NRIP1: variants seen among roughly 807,000 people sequenced by gnomAD.
The protein encoded by NRIP1 is nuclear receptor-interacting protein 1.
A neutral mutation model predicts 75.0 loss-of-function variants in NRIP1; 28 were observed. The observed-to-expected ratio is 0.37, with a 90% CI of 0.28 to 0.51. The LOEUF (loss-of-function observed/expected upper bound fraction) is 0.51, where lower values mean the gene tolerates loss of function less well. Ranked by LOEUF, NRIP1 falls within the 20% of genes least tolerant of loss-of-function variation. NRIP1 has a pLI of 0.92. For missense variants in NRIP1, 1,435 were observed against 1,343.7 expected (o/e 1.07, Z -1.06); for synonymous variants, 526 against 487.6 (o/e 1.08, Z -1.04).
intron 2 of NRIP1, among the ~76,000 whole-genome samples, chr21:15,027,013 C>T (rs996863292): frequency 6.6e-6 from 1 of 152,060 alleles, no homozygotes; most frequent in Non-Finnish European, 1.5e-5. Flanking sequence ...TGAATATATA[C>T]ACTTGTACCC....
At chr21:15,037,132 T>A (rs1035456116) in intron 2 of NRIP1, among the ~76,000 whole-genome samples, 5 of 152,202 alleles carry the variant, frequency 3.3e-5, no homozygotes, top group Non-Finnish European at 5.9e-5. Flanking sequence ...GCATTCTACA[T>A]ATCACAGTAA....
intron 1 of NRIP1, among the ~76,000 whole-genome samples, chr21:15,061,155 T>C (rs1401384879): frequency 6.6e-6 from 1 of 152,224 alleles, no homozygotes; most frequent in African/African-American, 2.4e-5. Context: ...AAATTTTCTT[T>C]GACTTTTCAA....
At chr21:15,015,058 T>A (rs929816250) in intron 2 of NRIP1, among the ~76,000 whole-genome samples, 1 of 152,202 alleles carries the variant, frequency 6.6e-6, no homozygotes, top group Admixed American at 6.5e-5. Context: ...GGTATATCCA[T>A]ACAATATAAT....
chr21:14,983,038 A>T (rs2087289465), intron 3 of NRIP1, among the ~76,000 whole-genome samples: 1 of 151,980 alleles, frequency 6.6e-6, no homozygotes, highest in African/African-American at 2.4e-5. Flanking sequence ...TGCCTGAGAC[A>T]CAACAATATT....
chr21:15,061,032 C>A (rs140607168), intron 1 of NRIP1, among the ~76,000 whole-genome samples: 88 of 152,198 alleles, frequency 5.8e-4, no homozygotes, highest in African/African-American at 2.0e-3. Context: ...CCTGCTCATT[C>A]CCCCTCCCCC....
chr21:14,988,369 T>C (rs1028458334), intron 3 of NRIP1, among the ~76,000 whole-genome samples: 5 of 152,096 alleles, frequency 3.3e-5, no homozygotes, highest in East Asian at 1.9e-4. Context: ...TTTTTTTGAC[T>C]TACTAGTCAC....
intron 2 of NRIP1, among the ~76,000 whole-genome samples, chr21:15,039,161 CT>C (rs2088896848): frequency 6.6e-6 from 1 of 151,972 alleles, no homozygotes; most frequent in African/African-American, 2.4e-5. Context: ...GAGGTGAAGG[CT>C]TTTAAGCAGA....
chr21:15,014,272 G>T (rs2088175048), intron 3 of NRIP1, 72 bp downstream of exon 3: 1 of 393,594 alleles, frequency 2.5e-6, no homozygotes, highest in South Asian at 1.4e-4. Context: ...TTATAACTGA[G>T]AAAGAATTGT....
At chr21:14,976,011 C>A (rs796088487) in intron 3 of NRIP1, among the ~76,000 whole-genome samples, 20 of 152,194 alleles carry the variant, frequency 1.3e-4, no homozygotes, top group African/African-American at 4.3e-4. Context: ...ATCCTTCCTA[C>A]CACTTACAAA....
chr21:15,049,591 T>G (rs190658728), intron 1 of NRIP1, among the ~76,000 whole-genome samples: 1 of 152,100 alleles, frequency 6.6e-6, no homozygotes, highest in Admixed American at 6.5e-5. Context: ...TTTATAATAT[T>G]AGTACATATG....
In NRIP1 at chr21:14,962,834, A is replaced by T. The variant is rs894731227; in HGVS notation, c.*1882T>A. On this transcript the variant is annotated 3_prime_UTR_variant, in exon 4 of 4. Transcript: ENST00000318948. ...GTTTTAGATCATATTAGGAAATCACACCTATTTTTAATATAAAAATCTTAG... is the reference window on the plus strand; with the variant it reads ...GTTTTAGATCATATTAGGAAATCACTCCTATTTTTAATATAAAAATCTTAG... The T allele has an allele frequency of 3.3e-5, 5 of 152,460 alleles. No individual in the cohort carries two copies. The highest frequency in any genetic ancestry group is 1.2e-4 in the African/African-American group (5 of 41,426). 9.4% of individuals were successfully genotyped at this position (152,460 alleles called of 1,614,324 possible). A position where few individuals can be genotyped will look rare whatever the true frequency, so the allele number is the denominator to read the frequency against.
chr21:14,999,628 A>AT (rs1393430164), intron 3 of NRIP1, among the ~76,000 whole-genome samples: 1 of 152,188 alleles, frequency 6.6e-6, no homozygotes, highest in Non-Finnish European at 1.5e-5. Flanking sequence ...AACAGTGGCT[A>AT]AGTAGGAACT....
At chr21:15,049,048 C>G (rs1217803363) in intron 1 of NRIP1, among the ~76,000 whole-genome samples, 1 of 152,074 alleles carries the variant, frequency 6.6e-6, no homozygotes, top group Non-Finnish European at 1.5e-5. Flanking sequence ...TATATTATGG[C>G]TTTCTTCTTA....
chr21:15,024,879 A>G lies in NRIP1; in HGVS notation c.-457-10413T>C, dbSNP rs144965913. 5.3e-3 allele frequency among the ~76,000 whole-genome samples: 806 copies of G among 152,342 alleles called. 9 individuals carry two copies. Among genetic ancestry groups the G allele is most frequent in the Non-Finnish European group, 3.6e-3 (248 of 68,034 alleles). On this transcript the variant is annotated intron_variant, in intron 2 of 3. Transcript: ENST00000318948. ...GAAAGGTATGAACTCGCATTTCACG[A>G]AAGAATACACTAATGGTGAATAATC... is the stretch of plus-strand genomic sequence containing the variant.
At chr21:15,062,975 T>G (rs962462196) in intron 1 of NRIP1, among the ~76,000 whole-genome samples, 5 of 152,258 alleles carry the variant, frequency 3.3e-5, no homozygotes, top group African/African-American at 1.2e-4. Flanking sequence ...TTAAACCTGG[T>G]TTTTCAACTA....
At chr21:14,976,715 T>C (rs1212509314) in intron 3 of NRIP1, among the ~76,000 whole-genome samples, 1 of 152,232 alleles carries the variant, frequency 6.6e-6, no homozygotes, top group Non-Finnish European at 1.5e-5. Context: ...CTTAGTTAAA[T>C]GAAGAATGCA....
chr21:15,055,876 A>G (rs916857654), intron 1 of NRIP1, among the ~76,000 whole-genome samples: 26 of 152,154 alleles, frequency 1.7e-4, no homozygotes, highest in African/African-American at 6.0e-4. Flanking sequence ...CAGCAATAAC[A>G]AAAACTACAG....
At chr21:15,019,597 T>A (rs757988909) in intron 2 of NRIP1, among the ~76,000 whole-genome samples, 6 of 144,240 alleles carry the variant, frequency 4.2e-5, no homozygotes, top group Middle Eastern at 7.2e-3. Context: ...CAAGCAACTC[T>A]CCTGCCTCAG....
At chr21:14,972,119 T>C (rs2086917668) in intron 3 of NRIP1, among the ~76,000 whole-genome samples, 1 of 152,124 alleles carries the variant, frequency 6.6e-6, no homozygotes, top group Non-Finnish European at 1.5e-5. Flanking sequence ...ATGAAGTGTC[T>C]ATCCTAGGAA....
Sources: allele counts gnomAD v4.1 joint callset (sites outside exome capture counted in the v4.1 genomes callset), GRCh38; gene constraint gnomAD v4.1.1; transcripts MANE v1.5; gene names NCBI Gene and HGNC (gene_info 2026-07-23, HGNC 2026-07-21).